The following ACE variants were observed in gnomAD, a reference collection of about 807,000 sequenced individuals.
ACE encodes angiotensin-converting enzyme.
Under a neutral mutation model 162.3 loss-of-function variants are expected in ACE, and 122 were observed. The observed-to-expected ratio is 0.75, with a 90% CI of 0.65 to 0.87. The LOEUF (loss-of-function observed/expected upper bound fraction) is 0.87. Ranked by LOEUF, ACE falls within the 40% of genes least tolerant of loss-of-function variation. ACE has a pLI of 0.00. For synonymous variants in ACE, 796 were observed against 720.6 expected (o/e 1.10, Z -1.68); for missense variants, 1,799 against 1,735.1 (o/e 1.04, Z -0.65).
At position 63,484,906 on chromosome 17, in the gene ACE, C is replaced by T. The variant is rs1214578918; in HGVS notation, c.1922-330C>T. The T allele has an allele frequency of 8.8e-6, 14 of 1,593,252 alleles. No individual in the cohort carries two copies. In the South Asian group the frequency reaches 1.5e-4, roughly 17 times the overall value. ...GGGCTACTGCAGGACTTCCCAGCCT[C>T]CTCTTCCTGCTGCTCTGCTACGGGC... On this transcript the variant is annotated intron_variant, in intron 12 of 24. Transcript: ENST00000290866. The surrounding 1 kb of genome is among the most constrained non-coding windows in gnomAD (Gnocchi z 4.0).
rs1474365321 is a variant in ACE, at chr17:63,483,877, C to T, written c.1615C>T (p.Gln539Ter). The change falls in exon 11 of 25, where the codon CAG (glutamine) becomes TAG (stop). Residue 539 changes from glutamine (Q) to a stop codon, truncating the protein, a stop_gained. Coordinates refer to ENST00000290866, the MANE Select transcript of ACE (RefSeq NM_000789.4). LOFTEE classifies it high-confidence loss of function. ...RYFVSFVLQFQFHEALCKEAG... is the reference protein window; with the variant it reads ...RYFVSFVLQF ...CTTTGTGAGTTTTGTCCTGCAGTTCCAGTTCCATGAAGCCCTGTGCAAGGA... is the reference window on the plus strand; with the variant it reads ...CTTTGTGAGTTTTGTCCTGCAGTTCTAGTTCCATGAAGCCCTGTGCAAGGA... 1 of 1,614,174 alleles carries T rather than the reference C, an allele frequency of 6.2e-7. No individual in the cohort carries two copies. Among genetic ancestry groups the T allele is most frequent in the Non-Finnish European group, 8.5e-7 (1 of 1,180,030 alleles).
intron 2 of ACE, 130 bp downstream of exon 2, chr17:63,478,228 C>T: frequency 8.4e-7 from 1 of 1,185,534 alleles, no homozygotes; most frequent in Non-Finnish European, 1.2e-6. Flanking sequence ...AGGGAAAGCC[C>T]AGGTAAGCAC....
At chr17:63,496,768 ACT>A (rs1429027990) in intron 23 of ACE, 28 bp from the exon 24 acceptor site, 4 of 1,608,772 alleles carry the variant, frequency 2.5e-6, no homozygotes, top group Admixed American at 1.7e-5. Context: ...TGTCCTTCTG[ACT>A]CTGCCTCCCT....
At chr17:63,482,341 C>T (rs995854780) in intron 7 of ACE, 125 bp from the exon 8 acceptor site, 23 of 800,234 alleles carry the variant, frequency 2.9e-5, no homozygotes, top group African/African-American at 1.5e-4. Context: ...GTTTCTACTG[C>T]GGCTTCATGC....
chr17:63,490,695 T>C, intron 17 of ACE: 1 of 523,442 alleles, frequency 1.9e-6, no homozygotes. Context: ...TGGTCTCCAC[T>C]GCTCACGGAC....
In ACE at chr17:63,477,269, C is replaced by A. The variant is rs868134438; in HGVS notation, c.175C>A (p.Gln59Lys). Residue 59 changes from glutamine to lysine, a missense_variant, in exon 1 of 25, where the codon CAG becomes AAG. Coordinates refer to ENST00000290866, the MANE Select transcript of ACE (RefSeq NM_000789.4). ...GCAGAGCTACAACTCCAGCGCCGAACAGGTGCTGTTCCAGAGCGTGGCCGC... is the reference window on the plus strand; with the variant it reads ...GCAGAGCTACAACTCCAGCGCCGAAAAGGTGCTGTTCCAGAGCGTGGCCGC... ...FAQSYNSSAEQVLFQSVAASW... is the reference protein window; with the variant it reads ...FAQSYNSSAEKVLFQSVAASW... 6.7e-7 allele frequency: 1 copy of A among 1,494,620 alleles called. No homozygotes were observed. The highest frequency in any genetic ancestry group is 8.9e-7 in the Non-Finnish European group (1 of 1,122,874). 92.6% of individuals were successfully genotyped at this position (1,494,620 alleles called of 1,614,324 possible).
intron 24 of ACE, 62 bp from the exon 25 acceptor site, chr17:63,497,075 C>T (rs1039634182): frequency 1.1e-5 from 18 of 1,587,800 alleles, no homozygotes; most frequent in Admixed American, 1.8e-5. Flanking sequence ...CCTGGCCCTG[C>T]CCCGCACCCT....
chr17:63,489,234 G>C, intron 17 of ACE, 102 bp downstream of exon 17: 5 of 1,402,094 alleles, frequency 3.6e-6, no homozygotes, highest in Non-Finnish European at 3.9e-6. Flanking sequence ...GCTGGGGACT[G>C]AGAGACTCCA....
chr17:63,481,215 G>C, intron 6 of ACE, 27 bp downstream of exon 6: 1 of 1,577,662 alleles, frequency 6.3e-7, no homozygotes, highest in Non-Finnish European at 8.7e-7. Flanking sequence ...AGCCTGGGGT[G>C]GTGGGGGTCG....
Position 63,488,997 on chromosome 17 carries a change from C to A in ACE, c.2506C>A (p.Gln836Lys). 1 of 1,614,188 alleles carries A rather than the reference C, an allele frequency of 6.2e-7. No individual in the cohort carries two copies. Among genetic ancestry groups the A allele is most frequent in the Non-Finnish European group, 8.5e-7 (1 of 1,180,036 alleles). ...RSMYETPSLE[Q>K]DLERLFQELQ... ...TATGTACGAGACACCATCCCTGGAG[C>A]AAGACCTGGAGCGGCTCTTCCAGGA... Residue 836 changes from glutamine to lysine, a missense_variant, in exon 17 of 25, where the codon CAA (glutamine) becomes AAA (lysine). Physicochemically the swap from Gln to Lys is moderately conservative, Grantham distance 53. Coordinates refer to ENST00000290866, the MANE Select transcript of ACE (RefSeq NM_000789.4).
Position 63,478,006 on chromosome 17 carries a change from T to G in ACE, c.325T>G (p.Trp109Gly). 2 of 1,611,840 alleles carry G rather than the reference T, an allele frequency of 1.2e-6. No homozygotes were observed. The highest frequency in any genetic ancestry group is 1.7e-6 in the Non-Finnish European group (2 of 1,179,338). Residue 109 changes from tryptophan to glycine, a missense_variant, in exon 2 of 25, where the codon TGG becomes GGG. By Grantham distance (184) the Trp-to-Gly change is radical (BLOSUM62 -2). Transcript: ENST00000290866. ...GGCCAAGGAGCTGTATGAACCGATC[T>G]GGCAGAACTTCACGGACCCGCAGCT... ...QKAKELYEPIWQNFTDPQLRR... is the reference protein window; with the variant it reads ...QKAKELYEPIGQNFTDPQLRR...
rs1205988929 is a variant in ACE at position 63,494,210 on chromosome 17, G to A, written c.3281+144G>A. The A allele has an allele frequency of 9.7e-6, 13 of 1,339,414 alleles. No individual in the cohort carries two copies. In the African/African-American group the frequency reaches 1.3e-4, roughly 14 times the overall value. 83.0% of individuals were successfully genotyped at this position (1,339,414 alleles called of 1,614,324 possible). The stretch of plus-strand genomic sequence containing the variant: ...TGTGCATATGATGTGTGTGGTGTAA[G>A]TGATGGGGAAAACGGGGTGATTGTG... On this transcript the variant is annotated intron_variant, in intron 21 of 24. Coordinates refer to ENST00000290866, the MANE Select transcript of ACE (RefSeq NM_000789.4).
chr17:63,485,344 A>G lies in ACE; in HGVS notation c.2030A>G (p.Asn677Ser). 1 of 1,614,058 alleles carries G rather than the reference A, an allele frequency of 6.2e-7. No homozygotes were observed. Among genetic ancestry groups the G allele is most frequent in the Non-Finnish European group, 8.5e-7 (1 of 1,180,008 alleles). The change falls in exon 13 of 25, where the codon AAC (asparagine) becomes AGC (serine). Residue 677 changes from asparagine to serine, a missense_variant. Coordinates refer to ENST00000290866, the MANE Select transcript of ACE (RefSeq NM_000789.4). ...GAGGCCAACTGGAACTACAACACCA[A>G]CATCACCACAGAGACCAGCAAGATT... ...YAEANWNYNT[N>S]ITTETSKILL...
intron 9 of ACE, 65 bp from the exon 10 acceptor site, chr17:63,483,395 A>G (rs2049746213): frequency 2.0e-6 from 3 of 1,527,158 alleles, no homozygotes; most frequent in South Asian, 2.2e-5. Flanking sequence ...TGCCTTTTCT[A>G]CAAAAGTTAA....
rs201524719 is a variant in ACE, at chr17:63,496,363, C to T, written c.3381-31C>T. On this transcript the variant is annotated intron_variant, in intron 22 of 24. Transcript: ENST00000290866. Reference sequence around the variant, plus strand: ...GTGGCACAAGGCCCTCAACCAACTCCGCCCCGGGCCACGGCCTCGCTCTGC... The same window carrying T: ...GTGGCACAAGGCCCTCAACCAACTCTGCCCCGGGCCACGGCCTCGCTCTGC... 300 of 1,613,964 alleles carry T rather than the reference C, an allele frequency of 1.9e-4. 1 individual carries two copies. The African/African-American group carries it at 3.6e-3, about 19-fold the overall frequency.
intron 10 of ACE, 113 bp from the exon 11 acceptor site, chr17:63,483,736 A>C (rs1012534622): frequency 1.6e-5 from 25 of 1,579,134 alleles, no homozygotes; most frequent in Admixed American, 3.3e-5. Flanking sequence ...CTTCTCCCCC[A>C]AGATAGCTTC....
In ACE at chr17:63,477,113, C is replaced by G. The variant is rs1285068027; in HGVS notation, c.19C>G (p.Arg7Gly). The G allele has an allele frequency of 7.5e-7, 1 of 1,326,930 alleles. No individual in the cohort carries two copies. Among genetic ancestry groups the G allele is most frequent in the Non-Finnish European group, 9.6e-7 (1 of 1,046,704 alleles). 82.2% of individuals were successfully genotyped at this position (1,326,930 alleles called of 1,614,324 possible). MGAASGRRGPGLLLPLP... is the reference protein window; with the variant it reads MGAASGGRGPGLLLPLP... ...CCGCGTCATGGGGGCCGCCTCGGGCCGCCGGGGGCCGGGGCTGCTGCTGCC... is the reference window on the plus strand; with the variant it reads ...CCGCGTCATGGGGGCCGCCTCGGGCGGCCGGGGGCCGGGGCTGCTGCTGCC... The change falls in exon 1 of 25, where the codon CGC becomes GGC. Residue 7 changes from arginine (R) to glycine (G), a missense_variant. Physicochemically the swap from Arg to Gly is moderately radical, Grantham distance 125. Transcript: ENST00000290866.
intron 13 of ACE, chr17:63,485,771 TCAA>T: frequency 2.8e-5 from 2 of 70,178 alleles, no homozygotes; most frequent in Non-Finnish European, 6.0e-5. Flanking sequence ...CGAGACTCCA[TCAA>T]AAAAAAAAAA....
intron 1 of ACE, 33 bp downstream of exon 1, chr17:63,477,376 G>T: frequency 8.2e-7 from 1 of 1,212,440 alleles, no homozygotes. Context: ...GGGCGGGGCG[G>T]GGCCGCGGCG....
Sources: allele counts gnomAD v4.1 joint callset, GRCh38; gene constraint gnomAD v4.1.1; non-coding constraint Gnocchi (gnomAD v3.1); transcripts MANE v1.5; gene names NCBI Gene and HGNC (gene_info 2026-07-23, HGNC 2026-07-21).